The following LMBR1 variants were observed in gnomAD, a reference collection of about 807,000 sequenced individuals.
LMBR1 encodes the protein limb development membrane protein 1.
In LMBR1, 52 loss-of-function variants were observed where a neutral mutation model predicts 73.9. The ratio of observed to expected loss-of-function variants is 0.70; its 90% confidence interval spans 0.56 to 0.89. The LOEUF is 0.89. LMBR1 is among the 40% of genes least tolerant of loss of function. The probability of loss-of-function intolerance (pLI) is 0.00; values close to 1 mark genes in which losing one functional copy is unlikely to be tolerated. For missense variants in LMBR1, 539 were observed against 579.8 expected (o/e 0.93, Z 0.72); for synonymous variants, 215 against 209.4 (o/e 1.03, Z -0.23).
In LMBR1 at chr7:156,669,357, AAG is replaced by A. The variant is rs1275977138; in HGVS notation, n.867-72_867-71del. The A allele has an allele frequency of 2.6e-5, 4 of 152,242 alleles. No homozygotes were observed. The highest frequency in any genetic ancestry group is 1.9e-4 in the East Asian group (1 of 5,198). 9.4% of individuals were successfully genotyped at this position (152,242 alleles called of 1,614,324 possible). On this transcript the variant is annotated intron_variant and non_coding_transcript_variant, in intron 4 of 4. Transcript: ENST00000430825. This position sits in a 1 kb window ranked among gnomAD's most constrained non-coding sequence, Gnocchi z 4.2. ...AATAAGTGCCAGGAAGAAAAATGCAAAGAGAGGAAGGGGAGAGAGAGTGAAGT... is the reference window on the plus strand; with the variant it reads ...AATAAGTGCCAGGAAGAAAAATGCAAAGAGGAAGGGGAGAGAGAGTGAAGT...
At chr7:156,846,673 A>G (rs953785683) in intron 1 of LMBR1, among the ~76,000 whole-genome samples, 2 of 152,208 alleles carry the variant, frequency 1.3e-5, no homozygotes, top group African/African-American at 2.4e-5. Flanking sequence ...TATTTTGTAG[A>G]TATCAACAAA....
rs372533696 is a variant in LMBR1, at chr7:156,818,995, T to C, written c.319+7610A>G. On this transcript the variant is annotated intron_variant, in intron 4 of 16. Coordinates refer to ENST00000353442, the MANE Select transcript of LMBR1 (RefSeq NM_022458.4). The stretch of plus-strand genomic sequence containing the variant: ...CAGAACACATCTCACAGCATCAAGC[T>C]GACAAGTGATGACAACCACCAGCCA... Among the ~76,000 whole-genome samples the C allele has an allele frequency of 4.6e-5, 7 of 152,298 alleles. No individual in the cohort carries two copies. The South Asian group carries it at 1.4e-3, about 32-fold the overall frequency.
intron 1 of LMBR1, among the ~76,000 whole-genome samples, chr7:156,878,583 A>G (rs899220349): frequency 5.9e-5 from 9 of 152,212 alleles, no homozygotes; most frequent in Admixed American, 3.9e-4. Context: ...ACACATCCCA[A>G]GCTCATGGAT....
At chr7:156,853,087 C>T (rs952737168) in intron 1 of LMBR1, among the ~76,000 whole-genome samples, 4 of 151,224 alleles carry the variant, frequency 2.6e-5, no homozygotes, top group African/African-American at 9.7e-5. Context: ...TACAGGCACC[C>T]GTCACCACAC....
intron 9 of LMBR1, among the ~76,000 whole-genome samples, chr7:156,741,893 T>A (rs1818973206): frequency 6.6e-6 from 1 of 152,138 alleles, no homozygotes; most frequent in African/African-American, 2.4e-5. Context: ...AGACCATATG[T>A]TAGGTCACAA....
chr7:156,732,118 C>T (rs765029554), intron 10 of LMBR1, among the ~76,000 whole-genome samples: 6 of 151,982 alleles, frequency 3.9e-5, no homozygotes, highest in African/African-American at 1.2e-4. Context: ...TAACACTGGA[C>T]TTCCACTTCT....
At chr7:156,780,839 T>TCCACCCTTCACCC (rs1827002131) in intron 5 of LMBR1, among the ~76,000 whole-genome samples, 1 of 152,004 alleles carries the variant, frequency 6.6e-6, no homozygotes, top group East Asian at 1.9e-4. Flanking sequence ...ACCCTTCACC[T>TCCACCCTTCACCC]CCACCCTTCA....
In LMBR1 at chr7:156,678,707, A is replaced by G. The variant is rs1804494053; in HGVS notation, c.*5371T>C. 1 of 152,176 alleles carries G rather than the reference A, an allele frequency of 6.6e-6. No homozygotes were observed. Among genetic ancestry groups the G allele is most frequent in the Non-Finnish European group, 1.5e-5 (1 of 68,044 alleles). 9.4% of individuals were successfully genotyped at this position (152,176 alleles called of 1,614,324 possible). A position where few individuals can be genotyped will look rare whatever the true frequency, so the allele number is the denominator to read the frequency against. On this transcript the variant is annotated 3_prime_UTR_variant, in exon 17 of 17. Transcript: ENST00000353442. ...TTGTGTCTTCCTGGTCAGCTACAGCAGTCCCTACGGGATGTGGCCATTCCT... is the reference window on the plus strand; with the variant it reads ...TTGTGTCTTCCTGGTCAGCTACAGCGGTCCCTACGGGATGTGGCCATTCCT...
At chr7:156,889,765 C>T (rs1186109605) in intron 1 of LMBR1, among the ~76,000 whole-genome samples, 2 of 152,128 alleles carry the variant, frequency 1.3e-5, no homozygotes, top group African/African-American at 4.8e-5. Flanking sequence ...AGCCAAAGAG[C>T]AGGAGGATCA....
chr7:156,836,220 T>C (rs1837621265), intron 2 of LMBR1, among the ~76,000 whole-genome samples: 1 of 152,196 alleles, frequency 6.6e-6, no homozygotes, highest in Non-Finnish European at 1.5e-5. Context: ...CCTGTGATTT[T>C]CAGAAAACAG....
At chr7:156,846,854 A>C (rs1306871548) in intron 1 of LMBR1, among the ~76,000 whole-genome samples, 3 of 151,590 alleles carry the variant, frequency 2.0e-5, no homozygotes, top group African/African-American at 2.5e-5. Flanking sequence ...CACCACAAAG[A>C]AATGATAAGA....
intron 1 of LMBR1, among the ~76,000 whole-genome samples, chr7:156,875,848 T>G (rs925073489): frequency 6.7e-6 from 1 of 150,140 alleles, no homozygotes; most frequent in Admixed American, 6.6e-5. Context: ...GGAAACACAT[T>G]AAAACAGAAC....
At chr7:156,839,007 T>G (rs1384093730) in intron 1 of LMBR1, among the ~76,000 whole-genome samples, 3 of 151,948 alleles carry the variant, frequency 2.0e-5, no homozygotes, top group Non-Finnish European at 4.4e-5. Context: ...ATTGGCCATC[T>G]GTATGTCTTC....
intron 9 of LMBR1, among the ~76,000 whole-genome samples, chr7:156,748,159 T>C (rs1820178782): frequency 1.3e-5 from 2 of 152,196 alleles, no homozygotes; most frequent in Non-Finnish European, 1.5e-5. Context: ...TCCACAAAAA[T>C]ATGGCTATTG....
At chr7:156,873,647 G>C (rs1799687479) in intron 1 of LMBR1, among the ~76,000 whole-genome samples, 1 of 152,172 alleles carries the variant, frequency 6.6e-6, no homozygotes, top group Non-Finnish European at 1.5e-5. Flanking sequence ...TAGATACAGA[G>C]TTTCCACACA....
chr7:156,801,506 AG>A (rs1278211690), intron 4 of LMBR1, among the ~76,000 whole-genome samples: 6 of 152,158 alleles, frequency 3.9e-5, no homozygotes, highest in Non-Finnish European at 8.8e-5. Flanking sequence ...AGTATCTCCA[AG>A]GTATGCCTGT....
chr7:156,773,542 GCC>G (rs1458700333), intron 5 of LMBR1, among the ~76,000 whole-genome samples: 1 of 151,926 alleles, frequency 6.6e-6, no homozygotes, highest in Non-Finnish European at 1.5e-5. Context: ...CAGAAATAAA[GCC>G]ACACACCTAC....
rs1313408053 is a variant in LMBR1 at position 156,720,298 on chromosome 7, A to T, written c.1225+3814T>A. Reference sequence around the variant, plus strand: ...ACCTCTTAAGGTTCCCTCCAGCTAAATGGTCCTAAAGGAAATTATTTTCCG... The same window carrying T: ...ACCTCTTAAGGTTCCCTCCAGCTAATTGGTCCTAAAGGAAATTATTTTCCG... On this transcript the variant is annotated intron_variant, in intron 15 of 16. Transcript: ENST00000353442. 5.9e-5 allele frequency among the ~76,000 whole-genome samples: 9 copies of T among 152,322 alleles called. No homozygotes were observed. In the East Asian group the frequency reaches 1.7e-3, roughly 29 times the overall value.
At chr7:156,693,099 C>G (rs1215595787) in intron 15 of LMBR1, among the ~76,000 whole-genome samples, 1 of 151,872 alleles carries the variant, frequency 6.6e-6, no homozygotes, top group Non-Finnish European at 1.5e-5. Flanking sequence ...AAAAAAGCAT[C>G]AATGAACCAT....
Sources: allele counts gnomAD v4.1 joint callset (sites outside exome capture counted in the v4.1 genomes callset), GRCh38; gene constraint gnomAD v4.1.1; non-coding constraint Gnocchi (gnomAD v3.1); transcripts MANE v1.5; gene names NCBI Gene and HGNC (gene_info 2026-07-23, HGNC 2026-07-21).